SLC12A7: variants seen among roughly 807,000 people sequenced by gnomAD.
SLC12A7 encodes the protein solute carrier family 12 member 7.
A neutral mutation model predicts 120.6 loss-of-function variants in SLC12A7; 100 were observed. The ratio of observed to expected loss-of-function variants is 0.83; its 90% CI spans 0.71 to 0.98. The LOEUF is 0.98. SLC12A7 is among the 50% of genes least tolerant of loss of function. The pLI is 0.00. For missense variants in SLC12A7, 1,373 were observed against 1,548.1 expected, an observed-to-expected ratio of 0.89 and a Z score of 1.90; for synonymous variants, 760 against 678.0, an observed-to-expected ratio of 1.12 and a Z score of -1.88.
Position 1,076,250 on chromosome 5 carries a change from CG to C in SLC12A7, c.1749-15del. 6.3e-7 allele frequency: 1 copy of C among 1,594,310 alleles called. No homozygotes were observed. Among genetic ancestry groups the C allele is most frequent in the Non-Finnish European group, 8.5e-7 (1 of 1,171,126 alleles). On this transcript the variant is annotated splice_polypyrimidine_tract_variant and intron_variant, in intron 13 of 23. Transcript: ENST00000264930. ...ATGAGGAAGAACCTGCAGGGACGGC[CG>C]GCCACTGATACGGGCCCACTGGGCC...
intron 21 of SLC12A7, among the ~76,000 whole-genome samples, chr5:1,058,893 C>CCCGG (rs35377186): frequency 0.93 from 142,024 of 152,120 alleles, 67,078 homozygotes; most frequent in East Asian, 1. Flanking sequence ...TCATCCAAAC[C>CCCGG]CTTCTGCAGA....
intron 17 of SLC12A7, among the ~76,000 whole-genome samples, chr5:1,069,790 G>A (rs551108857): frequency 1.3e-5 from 2 of 152,200 alleles, no homozygotes; most frequent in African/African-American, 4.8e-5. Context: ...TTTCTGGATA[G>A]TGTGAAGCTT....
At chr5:1,147,894 G>A in the SLC12A7 span, among the ~76,000 whole-genome samples, 1 of 152,110 alleles carries the variant, frequency 6.6e-6, no homozygotes, top group African/African-American at 2.4e-5. Flanking sequence ...ACCACGCCTG[G>A]CTAATTTTTA....
At position 1,094,026 on chromosome 5, in the gene SLC12A7, C is replaced by T. The variant is rs531943359; in HGVS notation, c.219+128G>A. 3.0e-4 allele frequency: 212 copies of T among 700,482 alleles called. No individual in the cohort carries two copies. In the African/African-American group the frequency reaches 3.4e-3, roughly 11 times the overall value. 43.4% of individuals were successfully genotyped at this position (700,482 alleles called of 1,614,324 possible). On this transcript the variant is annotated intron_variant, in intron 2 of 23. Coordinates refer to ENST00000264930, the MANE Select transcript of SLC12A7 (RefSeq NM_006598.3). Reference sequence around the variant, plus strand: ...CGCCACAGCCTTCAGGACAGGGAGGCCCCAGTTCCTTCCACGTGGTGTCCA... The same window carrying T: ...CGCCACAGCCTTCAGGACAGGGAGGTCCCAGTTCCTTCCACGTGGTGTCCA...
chr5:1,108,125 CAGTGCAA>C (rs760878021), intron 1 of SLC12A7, among the ~76,000 whole-genome samples: 43 of 152,388 alleles, frequency 2.8e-4, no homozygotes, highest in Non-Finnish European at 5.4e-4. Flanking sequence ...CACATATACA[CAGTGCAA>C]GCACATGGCT....
At chr5:1,073,406 C>T (rs1416181886) in intron 17 of SLC12A7, among the ~76,000 whole-genome samples, 1 of 152,232 alleles carries the variant, frequency 6.6e-6, no homozygotes, top group Non-Finnish European at 1.5e-5. Context: ...CCAGGGTTCG[C>T]CCTTGGAAAG....
chr5:1,090,157 C>G (rs547670859), intron 3 of SLC12A7, among the ~76,000 whole-genome samples: 134 of 152,332 alleles, frequency 8.8e-4, no homozygotes, highest in African/African-American at 3.1e-3. Flanking sequence ...TGAGGGGCAG[C>G]TCCCAGGGAG....
the SLC12A7 span, among the ~76,000 whole-genome samples, chr5:1,126,314 C>T: frequency 6.6e-6 from 1 of 152,216 alleles, no homozygotes; most frequent in South Asian, 2.1e-4. Flanking sequence ...GTCTTGAACT[C>T]CTGGCCTCAG....
chr5:1,115,283 C>T (rs10474906), upstream of SLC12A7, among the ~76,000 whole-genome samples: 49,975 of 147,314 alleles, frequency 0.34, 8,769 homozygotes, highest in African/African-American at 0.47. Context: ...CGAAACAGTC[C>T]CTGCTGCCTG....
In SLC12A7 at chr5:1,057,554, C is replaced by T; in HGVS notation, c.2943G>A (p.Trp981Ter). 6.2e-7 allele frequency: 1 copy of T among 1,613,246 alleles called. No individual in the cohort carries two copies. Among genetic ancestry groups the T allele is most frequent in the Non-Finnish European group, 8.5e-7 (1 of 1,179,970 alleles). Reference sequence around the variant, plus strand: ...TCTCAGCGATCAGCTTCTCCCTGGTCCAGGTCATCTGCACCTTGTCTGGCG... The same window carrying T: ...TCTCAGCGATCAGCTTCTCCCTGGTTCAGGTCATCTGCACCTTGTCTGGCG... ...PPTPDKVQMT[W>*]TREKLIAEKY... Residue 981 changes from tryptophan (W) to a stop codon, truncating the protein, a stop_gained, in exon 22 of 24, where the codon TGG becomes TGA. Coordinates refer to ENST00000264930, the MANE Select transcript of SLC12A7 (RefSeq NM_006598.3). LOFTEE classifies it high-confidence loss of function.
chr5:1,148,719 T>A, the SLC12A7 span, among the ~76,000 whole-genome samples: 1 of 152,206 alleles, frequency 6.6e-6, no homozygotes, highest in African/African-American at 2.4e-5. Flanking sequence ...GAAGAAAGGC[T>A]GACGGTTGAC....
chr5:1,077,140 A>G (rs111766842), intron 12 of SLC12A7, among the ~76,000 whole-genome samples: 7,232 of 145,736 alleles, frequency 0.05, 197 homozygotes, highest in Middle Eastern at 0.11. Context: ...CCCTGTGGTG[A>G]CCTTTCTCAT....
the SLC12A7 span, among the ~76,000 whole-genome samples, chr5:1,147,547 C>T: frequency 1.3e-5 from 2 of 152,184 alleles, no homozygotes; most frequent in Non-Finnish European, 2.9e-5. Flanking sequence ...CACAGCCCCT[C>T]AGCTGAAGCC....
chr5:1,133,896 G>A, the SLC12A7 span, among the ~76,000 whole-genome samples: 31 of 152,264 alleles, frequency 2.0e-4, no homozygotes, highest in African/African-American at 7.2e-4. Flanking sequence ...GCTGCAGCTG[G>A]AGGTGGGGGT....
chr5:1,060,470 C>CGTA lies in SLC12A7; in HGVS notation c.2740-22_2740-20dup. 1 of 1,579,484 alleles carries CGTA rather than the reference C, an allele frequency of 6.3e-7. No homozygotes were observed. On this transcript the variant is annotated intron_variant, in intron 20 of 23. Transcript: ENST00000264930. Reference sequence around the variant, plus strand: ...TTTCAACCTAGAAAGTTCCCAAGCACGTAGTAAGCCCGGTGTGCACAGAAC... The same window carrying CGTA: ...TTTCAACCTAGAAAGTTCCCAAGCACGTAGTAGTAAGCCCGGTGTGCACAGAAC...
intron 3 of SLC12A7, among the ~76,000 whole-genome samples, chr5:1,093,035 C>A (rs1269304655): frequency 6.6e-6 from 1 of 152,172 alleles, no homozygotes; most frequent in Non-Finnish European, 1.5e-5. Flanking sequence ...TTCCCCACTG[C>A]ACCCCCCTCG....
At chr5:1,113,990 C>T (rs1349803855), upstream of SLC12A7, among the ~76,000 whole-genome samples, 1 of 152,244 alleles carries the variant, frequency 6.6e-6, no homozygotes, top group East Asian at 1.9e-4. Context: ...CTCTGCTTCA[C>T]ACCCCAGGAC....
the SLC12A7 span, among the ~76,000 whole-genome samples, chr5:1,153,469 G>A: frequency 6.6e-6 from 1 of 152,198 alleles, no homozygotes; most frequent in Non-Finnish European, 1.5e-5. Context: ...CCAGTGTGCT[G>A]GGCACCCGGA....
At chr5:1,149,770 T>G in the SLC12A7 span, among the ~76,000 whole-genome samples, 2 of 152,094 alleles carry the variant, frequency 1.3e-5, no homozygotes, top group African/African-American at 4.8e-5. Flanking sequence ...GGTTCACATC[T>G]GTTATCCCAG....
Sources: allele counts gnomAD v4.1 joint callset (sites outside exome capture counted in the v4.1 genomes callset), GRCh38; gene constraint gnomAD v4.1.1; transcripts MANE v1.5; gene names NCBI Gene and HGNC (gene_info 2026-07-23, HGNC 2026-07-21).